TMEM87B: variants seen among roughly 807,000 people sequenced by gnomAD.
TMEM87B encodes transmembrane protein 87B.
Under a neutral mutation model 80.3 loss-of-function variants are expected in TMEM87B, and 83 were observed. The observed-to-expected ratio is 1.03, with a 90% CI of 0.87 to 1.24. The LOEUF (loss-of-function observed/expected upper bound fraction) is 1.24, where lower values mean the gene tolerates loss of function less well. Among genes scored for constraint, TMEM87B ranks in the 50% most tolerant of loss-of-function variants. TMEM87B has a pLI of 0.00. For missense variants in TMEM87B, 625 were observed against 674.4 expected, an observed-to-expected ratio of 0.93 and a Z score of 0.81; for synonymous variants, 219 against 230.5, an observed-to-expected ratio of 0.95 and a Z score of 0.45.
chr2:112,058,032 G>A (rs1678133658), intron 1 of TMEM87B, among the ~76,000 whole-genome samples: 1 of 152,032 alleles, frequency 6.6e-6, no homozygotes, highest in African/African-American at 2.4e-5. Context: ...TTTCCATGTT[G>A]ATCAGGCTGG....
At chr2:112,065,170 G>T (rs1678381231) in intron 3 of TMEM87B, among the ~76,000 whole-genome samples, 1 of 151,994 alleles carries the variant, frequency 6.6e-6, no homozygotes, top group African/African-American at 2.4e-5. Flanking sequence ...TTTCTATTTG[G>T]ATTGAACCAT....
At chr2:112,112,482 A>G (rs1223661916) in intron 17 of TMEM87B, among the ~76,000 whole-genome samples, 2 of 152,236 alleles carry the variant, frequency 1.3e-5, no homozygotes, top group East Asian at 3.8e-4. Flanking sequence ...CCCAGATCAA[A>G]AAACAGAATA....
At chr2:112,062,906 G>A (rs773813039) in intron 2 of TMEM87B, among the ~76,000 whole-genome samples, 1 of 152,144 alleles carries the variant, frequency 6.6e-6, no homozygotes, top group Non-Finnish European at 1.5e-5. Context: ...AGAATTGTTG[G>A]GCTTGTTCCT....
Position 112,098,612 on chromosome 2 carries a change from G to C in TMEM87B, c.1290G>C (p.Trp430Cys), listed in dbSNP as rs372086075. 3.7e-6 allele frequency: 6 copies of C among 1,613,946 alleles called. No individual in the cohort carries two copies. The highest frequency in any genetic ancestry group is 5.1e-6 in the Non-Finnish European group (6 of 1,180,026). Reference protein sequence around the residue: ...AKCQSDWMERWVDDAFWSFLF... With the variant: ...AKCQSDWMERCVDDAFWSFLF... ...TCTTTTAGGATTGGATGGAACGCTG[G>C]GTTGACGATGCATTTTGGAGCTTCC... Residue 430 changes from tryptophan to cysteine, a missense_variant, in exon 14 of 19, where the codon TGG becomes TGC. By Grantham distance (215) the Trp-to-Cys change is radical. Coordinates refer to ENST00000283206, the MANE Select transcript of TMEM87B (RefSeq NM_032824.3).
Position 112,088,322 on chromosome 2 carries a change from T to G in TMEM87B, c.939-1303T>G, listed in dbSNP as rs534443905. Among the ~76,000 whole-genome samples, 18 of 152,302 alleles carry G rather than the reference T, an allele frequency of 1.2e-4. No individual in the cohort carries two copies. The East Asian group carries it at 2.9e-3, about 24-fold the overall frequency. Reference sequence around the variant, plus strand: ...TTGTTACTGTGAAAGGAATAGAAGATTAAATGAATGGGTACAGATACAAAC... The same window carrying G: ...TTGTTACTGTGAAAGGAATAGAAGAGTAAATGAATGGGTACAGATACAAAC... On this transcript the variant is annotated intron_variant, in intron 9 of 18. Transcript: ENST00000283206.
intron 11 of TMEM87B, among the ~76,000 whole-genome samples, chr2:112,096,605 T>C (rs1679475972): frequency 6.6e-6 from 1 of 152,208 alleles, no homozygotes; most frequent in Non-Finnish European, 1.5e-5. Context: ...CTCTTAATTA[T>C]GGTTATTCAA....
chr2:112,072,508 G>T (rs1398595625), intron 4 of TMEM87B, among the ~76,000 whole-genome samples: 1 of 152,124 alleles, frequency 6.6e-6, no homozygotes, highest in Non-Finnish European at 1.5e-5. Context: ...GAGGGTGTAT[G>T]TGTCCAGTAA....
In TMEM87B at chr2:112,103,632, G is replaced by A. The variant is rs562469941; in HGVS notation, c.1451-2370G>A. ...GTCCGTAGAGGCGGAAAGTAGATCA[G>A]TGCTTGTCACAGGTTAGAGGAGGGG... On this transcript the variant is annotated intron_variant, in intron 15 of 18. Transcript: ENST00000283206. Among the ~76,000 whole-genome samples the A allele has an allele frequency of 2.0e-5, 3 of 152,296 alleles. No individual in the cohort carries two copies. In the South Asian group the frequency reaches 6.2e-4, roughly 32 times the overall value.
chr2:112,094,461 G>A (rs924950288), intron 11 of TMEM87B, among the ~76,000 whole-genome samples: 28 of 151,744 alleles, frequency 1.8e-4, no homozygotes, highest in African/African-American at 6.3e-4. Context: ...GTGCCCTGCC[G>A]ATTTCTTGTT....
Position 112,088,017 on chromosome 2 carries a change from C to G in TMEM87B, c.939-1608C>G, listed in dbSNP as rs139870289. On this transcript the variant is annotated intron_variant, in intron 9 of 18. Transcript: ENST00000283206. The stretch of plus-strand genomic sequence containing the variant: ...TGCTGCACCCTCCTGTGTTCCTGAG[C>G]TCCGGCCCCCGGGGGCCCAGGCTCA... 2.9e-3 allele frequency among the ~76,000 whole-genome samples: 443 copies of G among 152,334 alleles called. 2 individuals carry two copies. The highest frequency in any genetic ancestry group is 0.01 in the African/African-American group (428 of 41,578).
chr2:112,116,444 CTT>C lies in TMEM87B; in HGVS notation c.*304_*305del. On this transcript the variant is annotated 3_prime_UTR_variant, in exon 19 of 19. Transcript: ENST00000283206. ...AGGCCTGTGGGTTTGGGTTCTCCCTCTTTTCTCTGGAACATATGACAATTCCA... is the reference window on the plus strand; with the variant it reads ...AGGCCTGTGGGTTTGGGTTCTCCCTCTTCTCTGGAACATATGACAATTCCA... 4.1e-6 allele frequency: 1 copy of C among 242,884 alleles called. No homozygotes were observed. Among genetic ancestry groups the C allele is most frequent in the Non-Finnish European group, 7.8e-6 (1 of 127,936 alleles). The allele number at this position is 242,884 out of a possible 1,614,324, so 15.0% of individuals were successfully genotyped here.
chr2:112,062,400 C>T (rs771763955), intron 2 of TMEM87B, among the ~76,000 whole-genome samples: 1 of 152,126 alleles, frequency 6.6e-6, no homozygotes. Flanking sequence ...TCAAAGTATA[C>T]AGAAAGAGCA....
intron 5 of TMEM87B, among the ~76,000 whole-genome samples, chr2:112,076,845 TGTGTGTGTGTGTGTGTGTG>T (rs1558835573): frequency 3.4e-4 from 4 of 11,612 alleles, no homozygotes; most frequent in Middle Eastern, 0.042. Flanking sequence ...TTCTGTTTTG[TGTGTGTGTGTGTGTGTGTG>T]TGTGTGTGTG....
chr2:112,095,412 AAC>A (rs1679439041), intron 11 of TMEM87B: 1 of 983,890 alleles, frequency 1.0e-6, no homozygotes, highest in Non-Finnish European at 1.2e-6. Flanking sequence ...ACCTAAATTT[AAC>A]AGTGTCTTGG....
Position 112,117,250 on chromosome 2 carries a change from A to C in TMEM87B, c.*1107A>C, listed in dbSNP as rs1434558551. On this transcript the variant is annotated 3_prime_UTR_variant, in exon 19 of 19. Transcript: ENST00000283206. ...ATGTGAATGTTTTGCTGCTTTCATG[A>C]CCAAAGATACAGGGCTAGTGGACAT... The C allele has an allele frequency of 6.6e-6, 1 of 152,180 alleles. No homozygotes were observed. The highest frequency in any genetic ancestry group is 2.4e-5 in the African/African-American group (1 of 41,444). The allele number at this position is 152,180 out of a possible 1,614,324, so 9.4% of individuals were successfully genotyped here.
chr2:112,089,559 G>GTA, intron 9 of TMEM87B, 66 bp from the exon 10 acceptor site: 1 of 1,392,390 alleles, frequency 7.2e-7, no homozygotes, highest in Non-Finnish European at 1.0e-6. Context: ...GCCAGTTACT[G>GTA]TATTCAGGTG....
chr2:112,098,772 A>G, intron 14 of TMEM87B, 74 bp downstream of exon 14: 1 of 1,374,354 alleles, frequency 7.3e-7, no homozygotes, highest in Non-Finnish European at 1.0e-6. Flanking sequence ...ACACGTTTAT[A>G]GAAACCAGGA....
In TMEM87B at chr2:112,099,433, C is replaced by T. The variant is rs190713683; in HGVS notation, c.1376+735C>T. Among the ~76,000 whole-genome samples, 278 of 151,552 alleles carry T rather than the reference C, an allele frequency of 1.8e-3. 4 individuals carry two copies. In the South Asian group the frequency reaches 0.036, roughly 20 times the overall value. ...CCAAAATCTGAAAACATCCAAAACTCAAAACACTTCTGGTCTCAGGCATTT... is the reference window on the plus strand; with the variant it reads ...CCAAAATCTGAAAACATCCAAAACTTAAAACACTTCTGGTCTCAGGCATTT... On this transcript the variant is annotated intron_variant, in intron 14 of 18. Transcript: ENST00000283206.
At chr2:112,066,798 G>C in intron 3 of TMEM87B, 138 bp from the exon 4 acceptor site, 1 of 745,614 alleles carries the variant, frequency 1.3e-6, no homozygotes, top group Non-Finnish European at 2.0e-6. Flanking sequence ...GTTTTTATTT[G>C]GTATTTTATT....
Sources: allele counts gnomAD v4.1 joint callset (sites outside exome capture counted in the v4.1 genomes callset), GRCh38; gene constraint gnomAD v4.1.1; transcripts MANE v1.5; gene names NCBI Gene and HGNC (gene_info 2026-07-23, HGNC 2026-07-21).